Variants in TPTE2 observed in about 807,000 individuals in gnomAD.
TPTE2 encodes the protein transmembrane phosphoinositide 3-phosphatase and tensin homolog 2.
TPTE2 carries 53 observed loss-of-function variants against 78.6 expected under a neutral mutation model. The observed-to-expected ratio is 0.67, with a 90% confidence interval of 0.54 to 0.85. The LOEUF is 0.85. Among genes scored for constraint, TPTE2 ranks in the 40% least tolerant of loss-of-function variants. The pLI, the probability that TPTE2 is intolerant of heterozygous loss-of-function variation, is 0.00. For synonymous variants in TPTE2, 175 were observed against 206.2 expected (o/e 0.85, Z 1.30); for missense variants, 461 against 623.0 (o/e 0.74, Z 2.77).
chr13:19,512,166 C>T (rs1277288046), intron 1 of TPTE2, among the ~76,000 whole-genome samples: 1 of 152,172 alleles, frequency 6.6e-6, no homozygotes, highest in African/African-American at 2.4e-5. Context: ...CCCTCATCTA[C>T]CCTTTAAAAG....
At chr13:19,424,923 T>A in intron 19 of TPTE2, 24 bp downstream of exon 22, 1 of 1,355,414 alleles carries the variant, frequency 7.4e-7, no homozygotes, top group Non-Finnish European at 1.0e-6. Flanking sequence ...AGGCTGTTTC[T>A]ATGGGTTTCT....
intron 3 of TPTE2, among the ~76,000 whole-genome samples, chr13:19,488,665 C>A (rs1880803678): frequency 6.6e-6 from 1 of 152,178 alleles, no homozygotes; most frequent in Non-Finnish European, 1.5e-5. Context: ...AGAGTGAGGG[C>A]CTTGTCCTGG....
chr13:19,556,531 TC>T, the TPTE2 span, among the ~76,000 whole-genome samples: 3 of 152,042 alleles, frequency 2.0e-5, no homozygotes, highest in East Asian at 1.9e-4. Flanking sequence ...TACAACATTC[TC>T]CCCCCCACCT....
chr13:19,511,489 C>G (rs1201277684), intron 1 of TPTE2, among the ~76,000 whole-genome samples: 2 of 152,050 alleles, frequency 1.3e-5, no homozygotes, highest in Non-Finnish European at 2.9e-5. Context: ...TATCTGTACT[C>G]TCATCTAGGT....
At chr13:19,489,340 A>C (rs1880844424) in intron 3 of TPTE2, among the ~76,000 whole-genome samples, 1 of 152,122 alleles carries the variant, frequency 6.6e-6, no homozygotes, top group Non-Finnish European at 1.5e-5. Flanking sequence ...TTCAGTTTAT[A>C]AAAAAGTAAT....
chr13:19,531,934 GA>G (rs1381197825), intron 1 of TPTE2, among the ~76,000 whole-genome samples: 4 of 151,418 alleles, frequency 2.6e-5, no homozygotes, highest in Non-Finnish European at 4.4e-5. Context: ...CTCAAAAAAA[GA>G]AAAAAAAGTA....
At chr13:19,483,894 C>T (rs1880504195) in intron 3 of TPTE2, among the ~76,000 whole-genome samples, 1 of 151,954 alleles carries the variant, frequency 6.6e-6, no homozygotes. Flanking sequence ...TCGTCATTTA[C>T]ATTAGGTATA....
At chr13:19,551,463 G>A in the TPTE2 span, among the ~76,000 whole-genome samples, 2 of 151,960 alleles carry the variant, frequency 1.3e-5, no homozygotes, top group African/African-American at 4.8e-5. Context: ...GGTGACACAC[G>A]CCTGTGATCC....
chr13:19,544,322 TATATGA>T, the TPTE2 span, among the ~76,000 whole-genome samples: 1 of 152,090 alleles, frequency 6.6e-6, no homozygotes, highest in Non-Finnish European at 1.5e-5. Context: ...TATAATTGGC[TATATGA>T]ATATAAGATA....
intron 1 of TPTE2, among the ~76,000 whole-genome samples, chr13:19,499,405 C>T (rs1191570638): frequency 2.7e-5 from 4 of 150,670 alleles, no homozygotes; most frequent in African/African-American, 7.3e-5. Flanking sequence ...GGAAGTAAAG[C>T]TCTCCTCAGC....
At chr13:19,436,976 G>A (rs2137493271) in intron 14 of TPTE2, among the ~76,000 whole-genome samples, 3 of 150,700 alleles carry the variant, frequency 2.0e-5, no homozygotes, top group Middle Eastern at 3.4e-3. Flanking sequence ...TGGATCAATG[G>A]CTGTCAATGA....
At position 19,535,985 on chromosome 13, in the gene TPTE2, C is replaced by T. The variant is rs1466630700; in HGVS notation, c.-44+611G>A. On this transcript the variant is annotated intron_variant, in intron 1 of 17. Coordinates refer to the TPTE2 transcript ENST00000390680. The surrounding 1 kb of genome is among the most constrained non-coding windows in gnomAD (Gnocchi z 5.1). ...GGCAGGGATAATATGACATCAAAAA[C>T]AAGCTTCTGTTTTATTAATAAGGAG... Among the ~76,000 whole-genome samples, 3 of 152,158 alleles carry T rather than the reference C, an allele frequency of 2.0e-5. No homozygotes were observed. The highest frequency in any genetic ancestry group is 2.1e-4 in the South Asian group (1 of 4,828).
chr13:19,487,510 T>C lies in TPTE2; in HGVS notation c.120-4963A>G, dbSNP rs1880732512. On this transcript the variant is annotated intron_variant, in intron 3 of 19. Transcript: ENST00000400230. ...GGGCCTCTCCCACTTGGGAGAGGGC[T>C]TGCAGTGGTTTGGCTGTCTTAAGAG... 2.0e-5 allele frequency among the ~76,000 whole-genome samples: 3 copies of C among 152,114 alleles called. No individual in the cohort carries two copies. The South Asian group carries it at 6.2e-4, about 32-fold the overall frequency.
At chr13:19,514,017 A>G (rs1215118502) in intron 1 of TPTE2, among the ~76,000 whole-genome samples, 2 of 152,092 alleles carry the variant, frequency 1.3e-5, no homozygotes, top group Non-Finnish European at 2.9e-5. Context: ...ACCAGCTCTG[A>G]AGGGTGAGGG....
chr13:19,550,094 C>T, the TPTE2 span, among the ~76,000 whole-genome samples: 1 of 145,714 alleles, frequency 6.9e-6, no homozygotes, highest in Non-Finnish European at 1.5e-5. Context: ...ACACCAAACC[C>T]CCATGACACT....
At chr13:19,433,990 AACC>A (rs1876876727) in intron 15 of TPTE2, among the ~76,000 whole-genome samples, 1 of 152,190 alleles carries the variant, frequency 6.6e-6, no homozygotes, top group Non-Finnish European at 1.5e-5. Context: ...AAGGGCTGTA[AACC>A]ACCAGGGCCC....
rs1871188118 is a variant in TPTE2, at chr13:19,535,908, T to C, written c.-44+688A>G. On this transcript the variant is annotated intron_variant, in intron 1 of 17. Coordinates refer to the TPTE2 transcript ENST00000390680. This position sits in a 1 kb window ranked among gnomAD's most constrained non-coding sequence, Gnocchi z 5.1. ...GCCTTGGCCTCCCAAAGTGCTGGGATTACAGGTGTGAGCCACCATGCCCAG... is the reference window on the plus strand; with the variant it reads ...GCCTTGGCCTCCCAAAGTGCTGGGACTACAGGTGTGAGCCACCATGCCCAG... Among the ~76,000 whole-genome samples the C allele has an allele frequency of 6.6e-6, 1 of 152,148 alleles. No individual in the cohort carries two copies. The highest frequency in any genetic ancestry group is 2.4e-5 in the African/African-American group (1 of 41,422).
intron 3 of TPTE2, among the ~76,000 whole-genome samples, chr13:19,491,856 A>T (rs561062591): frequency 5.5e-4 from 83 of 152,244 alleles, no homozygotes; most frequent in African/African-American, 2.0e-3. Flanking sequence ...ATACATTTTA[A>T]TTTGCCCATG....
chr13:19,430,582 G>A (rs1876504955), intron 16 of TPTE2, 35 bp from the exon 20 acceptor site: 4 of 1,520,704 alleles, frequency 2.6e-6, no homozygotes, highest in Middle Eastern at 1.7e-4. Context: ...AAGTTAGGTT[G>A]GTTAGCATGA....
Sources: gnomAD v4.1 joint callset for allele counts (sites outside exome capture counted in the v4.1 genomes callset) on GRCh38, gnomAD v4.1.1 for gene constraint, Gnocchi (gnomAD v3.1) non-coding constraint, MANE v1.5 for transcripts, NCBI Gene and HGNC (gene_info 2026-07-23, HGNC 2026-07-21) for gene names.